GRIK4: variants seen among roughly 807,000 people sequenced by gnomAD.
The protein encoded by GRIK4 is glutamate receptor ionotropic, kainate 4.
Under a neutral mutation model 104.9 loss-of-function variants are expected in GRIK4, and 40 were observed. The observed-to-expected ratio is 0.38, with a 90% confidence interval of 0.30 to 0.50. GRIK4 has a LOEUF of 0.50. GRIK4 is among the 20% of genes least tolerant of loss of function. The pLI, the probability that GRIK4 is intolerant of heterozygous loss-of-function variation, is 0.93. For missense variants in GRIK4, 1,047 were observed against 1,308.1 expected, an observed-to-expected ratio of 0.80 and a Z score of 3.08; for synonymous variants, 485 against 524.9, an observed-to-expected ratio of 0.92 and a Z score of 1.04.
At chr11:120,978,276 C>T (rs1944594438) in intron 19 of GRIK4, among the ~76,000 whole-genome samples, 1 of 152,128 alleles carries the variant, frequency 6.6e-6, no homozygotes, top group African/African-American at 2.4e-5. Flanking sequence ...TAGTGATAAA[C>T]AAGGTATTAT....
chr11:120,689,295 T>C (rs925183226), intron 3 of GRIK4, among the ~76,000 whole-genome samples: 8 of 152,072 alleles, frequency 5.3e-5, no homozygotes, highest in African/African-American at 1.7e-4. Flanking sequence ...CTGCCTCCCA[T>C]CCCTCACTTC....
At chr11:120,957,060 A>G (rs1944171788) in intron 16 of GRIK4, 107 bp downstream of exon 16, 5 of 961,848 alleles carry the variant, frequency 5.2e-6, no homozygotes, top group Non-Finnish European at 5.9e-6. Flanking sequence ...TCTGCCTCTT[A>G]CAGCAGACCC....
intron 3 of GRIK4, among the ~76,000 whole-genome samples, chr11:120,699,224 C>T (rs994988875): frequency 1.6e-4 from 24 of 151,998 alleles, no homozygotes; most frequent in Non-Finnish European, 7.4e-5. Flanking sequence ...CTTGGTGGCT[C>T]GCGGTCCCAG....
At chr11:120,591,120 G>A (rs1948727781) in intron 1 of GRIK4, among the ~76,000 whole-genome samples, 1 of 152,074 alleles carries the variant, frequency 6.6e-6, no homozygotes, top group African/African-American at 2.4e-5. Flanking sequence ...ACATGTGAAA[G>A]AATAGGACCA....
chr11:120,684,430 T>C (rs560914307), intron 3 of GRIK4, among the ~76,000 whole-genome samples: 3 of 152,350 alleles, frequency 2.0e-5, no homozygotes, highest in Non-Finnish European at 4.4e-5. Context: ...GCCAAGCCAT[T>C]GTAAGTCAGG....
intron 3 of GRIK4, among the ~76,000 whole-genome samples, chr11:120,786,081 A>G (rs1952265115): frequency 6.6e-6 from 1 of 152,018 alleles, no homozygotes; most frequent in African/African-American, 2.4e-5. Flanking sequence ...TGCCGTTCTC[A>G]TGTAGGGCTC....
chr11:120,888,546 A>C (rs1002914911), intron 11 of GRIK4, among the ~76,000 whole-genome samples: 2 of 152,230 alleles, frequency 1.3e-5, no homozygotes, highest in Non-Finnish European at 2.9e-5. Flanking sequence ...GACCAGGACT[A>C]GGAGTTCATT....
At chr11:120,764,681 T>A (rs2098791915) in intron 3 of GRIK4, among the ~76,000 whole-genome samples, 1 of 152,186 alleles carries the variant, frequency 6.6e-6, no homozygotes, top group Admixed American at 6.5e-5. Flanking sequence ...CATTTGTTTG[T>A]GTATAAAGGA....
intron 20 of GRIK4, among the ~76,000 whole-genome samples, chr11:120,983,814 C>T (rs897691493): frequency 2.6e-5 from 4 of 152,228 alleles, no homozygotes; most frequent in Non-Finnish European, 5.9e-5. Flanking sequence ...ATTGAGCTGC[C>T]TGAAGTAAAG....
chr11:120,552,052 T>TG (rs376249927), intron 1 of GRIK4, among the ~76,000 whole-genome samples: 2 of 152,298 alleles, frequency 1.3e-5, no homozygotes, highest in Admixed American at 6.5e-5. Context: ...CCCTGAGCTC[T>TG]GTGAGCCACT....
At chr11:120,889,559 C>T (rs1006893064) in intron 11 of GRIK4, among the ~76,000 whole-genome samples, 23 of 123,220 alleles carry the variant, frequency 1.9e-4, no homozygotes, top group African/African-American at 6.8e-4. Flanking sequence ...GAACAAGGAT[C>T]TGAAATAGAA....
intron 3 of GRIK4, among the ~76,000 whole-genome samples, chr11:120,741,905 A>G (rs1951340090): frequency 1.3e-5 from 2 of 152,174 alleles, no homozygotes; most frequent in Non-Finnish European, 2.9e-5. Context: ...TCTGGCTAAG[A>G]GGAGACATAG....
intron 18 of GRIK4, among the ~76,000 whole-genome samples, chr11:120,965,979 T>C (rs1164894102): frequency 6.6e-6 from 1 of 152,188 alleles, no homozygotes; most frequent in East Asian, 1.9e-4. Flanking sequence ...AGCTTAGTTG[T>C]TTTCCAGCCT....
At chr11:120,756,188 C>T (rs1951647814) in intron 3 of GRIK4, among the ~76,000 whole-genome samples, 2 of 152,166 alleles carry the variant, frequency 1.3e-5, no homozygotes, top group Admixed American at 1.3e-4. Flanking sequence ...CAGGCTACAC[C>T]ACCCTTAGGA....
At chr11:120,823,757 A>G (rs75208530) in intron 6 of GRIK4, among the ~76,000 whole-genome samples, 7,992 of 152,286 alleles carry the variant, frequency 0.052, 218 homozygotes, top group Middle Eastern at 0.092. Context: ...AGCACAGACA[A>G]GGTTCTGGAG....
At chr11:120,741,779 C>G (rs938722688) in intron 3 of GRIK4, among the ~76,000 whole-genome samples, 1 of 152,198 alleles carries the variant, frequency 6.6e-6, no homozygotes, top group South Asian at 2.1e-4. Context: ...CAGGCAAGCA[C>G]AGACACACTC....
At chr11:120,865,467 G>A (rs533881378) in intron 9 of GRIK4, among the ~76,000 whole-genome samples, 1 of 152,388 alleles carries the variant, frequency 6.6e-6, no homozygotes, top group South Asian at 2.1e-4. Context: ...CAGCATGCAA[G>A]GGTTGGCTAA....
chr11:120,565,549 C>T (rs1948310552), intron 1 of GRIK4, among the ~76,000 whole-genome samples: 1 of 152,190 alleles, frequency 6.6e-6, no homozygotes, highest in African/African-American at 2.4e-5. Flanking sequence ...TGAATCATCC[C>T]TGTGTTGGCT....
In GRIK4 at chr11:120,940,453, T is replaced by C. The variant is rs1229221150; in HGVS notation, c.1583T>C (p.Val528Ala). Residue 528 changes from valine to alanine, a missense_variant, in exon 14 of 21, where the codon GTT (valine) becomes GCT (alanine). Val to Ala is a moderately conservative substitution (Grantham distance 64). Transcript: ENST00000527524. The surrounding 1 kb of genome is among the most constrained non-coding windows in gnomAD (Gnocchi z 4.3). ...MTLGISILYR[V>A]HMGRKPGYFS... ...CTGGGAATTAGCATTCTTTACCGCG[T>C]TCATATGGTAAGAGACTTATTTTAT... 6.4e-7 allele frequency: 1 copy of C among 1,573,478 alleles called. No homozygotes were observed. The highest frequency in any genetic ancestry group is 1.1e-5 in the South Asian group (1 of 90,036).
Sources: allele counts gnomAD v4.1 joint callset (sites outside exome capture counted in the v4.1 genomes callset), GRCh38; gene constraint gnomAD v4.1.1; non-coding constraint Gnocchi (gnomAD v3.1); transcripts MANE v1.5; gene names NCBI Gene and HGNC (gene_info 2026-07-23, HGNC 2026-07-21).